Variants in FDX1 observed in about 807,000 individuals in gnomAD.
The protein encoded by FDX1 is adrenodoxin, mitochondrial.
Under a neutral mutation model 14.9 loss-of-function variants are expected in FDX1, and 9 were observed. The observed-to-expected ratio is 0.60, with a 90% CI of 0.36 to 1.05. FDX1 has a LOEUF of 1.05. Ranked by LOEUF, FDX1 falls within the 50% of genes least tolerant of loss-of-function variation. The pLI is 0.01. For missense variants in FDX1, 204 were observed against 237.2 expected (o/e 0.86, Z 0.92); for synonymous variants, 92 against 99.4 (o/e 0.93, Z 0.44).
intron 2 of FDX1, among the ~76,000 whole-genome samples, chr11:110,445,498 A>G (rs1204383233): frequency 1.3e-5 from 2 of 152,252 alleles, no homozygotes; most frequent in African/African-American, 2.4e-5. Flanking sequence ...AAAAGAACAT[A>G]TAAAAACATA....
chr11:110,437,993 G>A (rs909098262), intron 2 of FDX1, among the ~76,000 whole-genome samples: 6 of 152,136 alleles, frequency 3.9e-5, no homozygotes, highest in Non-Finnish European at 5.9e-5. Flanking sequence ...CATATTCCGT[G>A]GTATATGTGT....
chr11:110,430,222 C>T lies in FDX1; in HGVS notation c.102C>T (p.Ser34=), dbSNP rs942006842. 8.3e-7 allele frequency: 1 copy of T among 1,210,198 alleles called. No homozygotes were observed. Among genetic ancestry groups the T allele is most frequent in the African/African-American group, 1.6e-5 (1 of 63,376 alleles). The allele number at this position is 1,210,198 out of a possible 1,614,324, so 75.0% of individuals were successfully genotyped here. The change falls in exon 1 of 4, where the codon TCC becomes TCT. Residue 34 remains serine (S), a synonymous_variant. Coordinates refer to ENST00000260270, the MANE Select transcript of FDX1 (RefSeq NM_004109.5). ...WLHHAGSRAG[S]SGLLRNRGPG... is the part of the protein sequence containing the mutation. ...ACCACGCTGGGTCCCGCGCTGGATC[C>T]AGCGGCCTGCTGAGGAACCGGGGGC...
At chr11:110,449,931 G>A in intron 2 of FDX1, among the ~76,000 whole-genome samples, 1 of 152,158 alleles carries the variant, frequency 6.6e-6, no homozygotes, top group East Asian at 1.9e-4. Context: ...CTCGGCCTGT[G>A]CTAGAGATCT....
intron 2 of FDX1, among the ~76,000 whole-genome samples, chr11:110,441,474 G>A (rs932106280): frequency 6.6e-6 from 1 of 152,182 alleles, no homozygotes; most frequent in African/African-American, 2.4e-5. Flanking sequence ...AGATGGAGAC[G>A]AGGAACTTGT....
intron 2 of FDX1, among the ~76,000 whole-genome samples, chr11:110,453,074 C>T (rs897466122): frequency 6.6e-6 from 1 of 152,196 alleles, no homozygotes; most frequent in Admixed American, 6.5e-5. Flanking sequence ...CGGTGGCTCA[C>T]GCCTGTAACC....
At chr11:110,453,471 CT>C (rs35726307) in intron 2 of FDX1, among the ~76,000 whole-genome samples, 26,068 of 146,042 alleles carry the variant, frequency 0.18, 2,389 homozygotes, top group African/African-American at 0.2. Flanking sequence ...AAAGGAGTAA[CT>C]TTTTTTTTTT....
At chr11:110,438,241 C>T (rs1946383342) in intron 2 of FDX1, among the ~76,000 whole-genome samples, 1 of 152,136 alleles carries the variant, frequency 6.6e-6, no homozygotes, top group Non-Finnish European at 1.5e-5. Flanking sequence ...ATTTACATTC[C>T]CACCAGGACT....
intron 2 of FDX1, among the ~76,000 whole-genome samples, chr11:110,445,200 G>A (rs1372526255): frequency 6.6e-6 from 1 of 152,010 alleles, no homozygotes; most frequent in Non-Finnish European, 1.5e-5. Context: ...TTATTTAAAT[G>A]GCTTCCAACT....
At chr11:110,446,352 C>G (rs1946449957) in intron 2 of FDX1, among the ~76,000 whole-genome samples, 1 of 152,214 alleles carries the variant, frequency 6.6e-6, no homozygotes, top group Non-Finnish European at 1.5e-5. Context: ...GTACTCCAAA[C>G]ATGGCTGACC....
intron 2 of FDX1, among the ~76,000 whole-genome samples, chr11:110,444,965 C>T (rs577053354): frequency 2.5e-4 from 38 of 151,496 alleles, no homozygotes; most frequent in African/African-American, 7.8e-4. Flanking sequence ...ATTTTGGGGC[C>T]TGTCTACCCT....
At position 110,456,942 on chromosome 11, in the gene FDX1, G is replaced by T. The variant is rs1394755044; in HGVS notation, c.335G>T (p.Cys112Phe). The change falls in exon 3 of 4, where the codon TGT (cysteine) becomes TTT (phenylalanine). Residue 112 changes from cysteine to phenylalanine, a missense_variant. By Grantham distance (205) the Cys-to-Phe change is radical (BLOSUM62 -2). Transcript: ENST00000260270. Reference protein sequence around the residue: ...GFGACEGTLACSTCHLIFEDH... With the variant: ...GFGACEGTLAFSTCHLIFEDH... ...GGTGCATGTGAGGGAACCCTGGCTT[G>T]TTCAACCTGTCACCTCATCTTTGAA... is the stretch of plus-strand genomic sequence containing the variant. 1.2e-6 allele frequency: 2 copies of T among 1,612,762 alleles called. No individual in the cohort carries two copies. The highest frequency in any genetic ancestry group is 1.3e-5 in the African/African-American group (1 of 74,876).
At chr11:110,453,324 G>A (rs1946498568) in intron 2 of FDX1, among the ~76,000 whole-genome samples, 1 of 152,104 alleles carries the variant, frequency 6.6e-6, no homozygotes, top group Non-Finnish European at 1.5e-5. Flanking sequence ...GGCAACAAGA[G>A]TAAGACTGTC....
chr11:110,433,078 A>G (rs1297896647), intron 1 of FDX1, among the ~76,000 whole-genome samples: 2 of 152,276 alleles, frequency 1.3e-5, no homozygotes, highest in Non-Finnish European at 2.9e-5. Flanking sequence ...GGCTGATGTA[A>G]GAGATTTCGA....
intron 2 of FDX1, among the ~76,000 whole-genome samples, chr11:110,437,392 GA>G (rs113106221): frequency 0.023 from 3,466 of 152,200 alleles, 121 homozygotes; most frequent in African/African-American, 0.074. Flanking sequence ...AAATGAAGTA[GA>G]TTTTTTTTTT....
chr11:110,462,707 C>T lies in FDX1; in HGVS notation c.*239C>T, dbSNP rs1187452060. 2 of 291,366 alleles carry T rather than the reference C, an allele frequency of 6.9e-6. No individual in the cohort carries two copies. The highest frequency in any genetic ancestry group is 6.4e-6 in the Non-Finnish European group (1 of 156,794). 18.0% of individuals were successfully genotyped at this position (291,366 alleles called of 1,614,324 possible). ...AAAATAGTTAATGTGATAGAAAAAC[C>T]TTACATATTTTTTTCTTATGTTTGT... On this transcript the variant is annotated 3_prime_UTR_variant, in exon 4 of 4. Transcript: ENST00000260270.
In FDX1 at chr11:110,463,251, A is replaced by G. The variant is rs1039404413; in HGVS notation, c.*783A>G. 1 of 152,232 alleles carries G rather than the reference A, an allele frequency of 6.6e-6. No homozygotes were observed. The highest frequency in any genetic ancestry group is 6.5e-5 in the Admixed American group (1 of 15,286). The allele number at this position is 152,232 out of a possible 1,614,324, so 9.4% of individuals were successfully genotyped here. On this transcript the variant is annotated 3_prime_UTR_variant, in exon 4 of 4. Transcript: ENST00000260270. ...AATCTCTGCCTATAACAGAATGGAA[A>G]CCTTATGAATGAATTGTGTTTCTCT...
rs71476086 is a variant in FDX1, at chr11:110,434,334, A to ATTTGCTTTTTTTT, written c.186-1497_186-1496insGCTTTTTTTTTTT. Among the ~76,000 whole-genome samples the ATTTGCTTTTTTTT allele has an allele frequency of 5.5e-5, 7 of 126,408 alleles. 2 individuals carry two copies. Among genetic ancestry groups the ATTTGCTTTTTTTT allele is most frequent in the Admixed American group, 2.6e-4 (3 of 11,754 alleles). The allele number at this position is 126,408 out of a possible 152,430, so 82.9% of individuals were successfully genotyped here. On this transcript the variant is annotated intron_variant, in intron 1 of 3. Coordinates refer to ENST00000260270, the MANE Select transcript of FDX1 (RefSeq NM_004109.5). ...CACTGGAAAAGCAATCGCCCTATTG[A>ATTTGCTTTTTTTT]TTTTTTTTTTTTTTTTTTTGGAGAC... is the stretch of plus-strand genomic sequence containing the variant.
chr11:110,434,725 G>GTTTTTTTTT (rs56907322), intron 1 of FDX1, among the ~76,000 whole-genome samples: 10 of 105,740 alleles, frequency 9.5e-5, no homozygotes, highest in East Asian at 5.5e-4. Context: ...GACTTTTTTT[G>GTTTTTTTTT]TTTTTTTTTT....
At chr11:110,435,986 A>G (rs369911593) in intron 2 of FDX1, 28 bp downstream of exon 2, 23 of 1,584,490 alleles carry the variant, frequency 1.5e-5, no homozygotes, top group Admixed American at 1.9e-5. Flanking sequence ...CTTAAAATGC[A>G]TAAGTGAAAC....
Sources: allele counts gnomAD v4.1 joint callset (sites outside exome capture counted in the v4.1 genomes callset), GRCh38; gene constraint gnomAD v4.1.1; transcripts MANE v1.5; gene names NCBI Gene and HGNC (gene_info 2026-07-23, HGNC 2026-07-21).